Variants in SLC16A10 observed in about 807,000 individuals in gnomAD.
SLC16A10 encodes monocarboxylate transporter 10.
SLC16A10 carries 27 observed loss-of-function variants against 40.0 expected under a neutral mutation model. The observed-to-expected ratio is 0.67, with a 90% CI of 0.50 to 0.93. The LOEUF is 0.93. Ranked by LOEUF, SLC16A10 falls within the 40% of genes least tolerant of loss-of-function variation. The pLI, the probability that SLC16A10 is intolerant of heterozygous loss-of-function variation, is 0.00. For synonymous variants in SLC16A10, 213 were observed against 249.8 expected, an observed-to-expected ratio of 0.85 and a Z score of 1.39; for missense variants, 529 against 658.2, an observed-to-expected ratio of 0.80 and a Z score of 2.15.
chr6:111,169,696 G>A (rs1428847397), intron 1 of SLC16A10, among the ~76,000 whole-genome samples: 7 of 152,128 alleles, frequency 4.6e-5, no homozygotes, highest in Admixed American at 4.6e-4. Flanking sequence ...GAATCAAATG[G>A]GCCTGTTGAA....
intron 4 of SLC16A10, among the ~76,000 whole-genome samples, chr6:111,214,510 G>A (rs1358684537): frequency 2.0e-5 from 3 of 152,170 alleles, no homozygotes; most frequent in African/African-American, 7.2e-5. Flanking sequence ...AGGCATCCCT[G>A]CATATAAGGA....
At chr6:111,213,748 T>A (rs1158914260) in intron 4 of SLC16A10, among the ~76,000 whole-genome samples, 4 of 152,208 alleles carry the variant, frequency 2.6e-5, no homozygotes, top group African/African-American at 9.6e-5. Flanking sequence ...AGACTCCCTG[T>A]GAAGCACTTC....
chr6:111,193,909 T>C (rs1184531726), intron 3 of SLC16A10, among the ~76,000 whole-genome samples: 1 of 152,216 alleles, frequency 6.6e-6, no homozygotes, highest in Non-Finnish European at 1.5e-5. Flanking sequence ...TGGTGAAAAC[T>C]GTGGATTTAT....
chr6:111,172,775 C>G lies in SLC16A10; in HGVS notation c.424C>G (p.Arg142Gly). 1 of 1,614,066 alleles carries G rather than the reference C, an allele frequency of 6.2e-7. No homozygotes were observed. Residue 142 changes from arginine (R) to glycine (G), a missense_variant, in exon 2 of 6, where the codon CGG becomes GGG. Transcript: ENST00000368851. ...VSVFTDLFGCRKTAVVGAAVG... is the reference protein window; with the variant it reads ...VSVFTDLFGCGKTAVVGAAVG... Reference sequence around the variant, plus strand: ...CGTCTTCACAGACCTATTTGGTTGTCGGAAAACAGCTGTCGTGGGTGCTGC... The same window carrying G: ...CGTCTTCACAGACCTATTTGGTTGTGGGAAAACAGCTGTCGTGGGTGCTGC...
At chr6:111,206,498 C>T in intron 3 of SLC16A10, 94 bp from the exon 4 acceptor site, 1 of 1,376,094 alleles carries the variant, frequency 7.3e-7, no homozygotes, top group Non-Finnish European at 1.0e-6. Flanking sequence ...AAGCCCATAA[C>T]ATTGCAGAGA....
chr6:111,188,062 G>A (rs1262594406), intron 3 of SLC16A10, among the ~76,000 whole-genome samples: 2 of 152,134 alleles, frequency 1.3e-5, no homozygotes, highest in Non-Finnish European at 2.9e-5. Context: ...CATGTCCCCA[G>A]CCTGGTGGAT....
chr6:111,193,555 C>G (rs1190083737), intron 3 of SLC16A10, among the ~76,000 whole-genome samples: 1 of 152,144 alleles, frequency 6.6e-6, no homozygotes, highest in African/African-American at 2.4e-5. Context: ...CAGAAGAAAT[C>G]TAGAGAACTG....
chr6:111,182,944 C>A (rs1422977861), intron 3 of SLC16A10, among the ~76,000 whole-genome samples: 2 of 152,212 alleles, frequency 1.3e-5, no homozygotes, highest in African/African-American at 4.8e-5. Context: ...CCACGTACCC[C>A]TAGCCTGGAT....
At position 111,227,158 on chromosome 6, in the gene SLC16A10, T is replaced by G. The variant is rs1346713869; in HGVS notation, c.*4923T>G. On this transcript the variant is annotated 3_prime_UTR_variant, in exon 6 of 6. Coordinates refer to ENST00000368851, the MANE Select transcript of SLC16A10 (RefSeq NM_018593.5). ...GAAAAAAAAATTTGTTCTGCTCTAC[T>G]ATACATGCTGACTTTTGTTGATAGC... 6.6e-6 allele frequency: 1 copy of G among 152,256 alleles called. No individual in the cohort carries two copies. The highest frequency in any genetic ancestry group is 1.5e-5 in the Non-Finnish European group (1 of 68,054). 9.4% of individuals were successfully genotyped at this position (152,256 alleles called of 1,614,324 possible).
chr6:111,226,501 G>T lies in SLC16A10; in HGVS notation c.*4266G>T, dbSNP rs555743082. 2 of 152,222 alleles carry T rather than the reference G, an allele frequency of 1.3e-5. No individual in the cohort carries two copies. Among genetic ancestry groups the T allele is most frequent in the East Asian group, 3.9e-4 (2 of 5,184 alleles). 9.4% of individuals were successfully genotyped at this position (152,222 alleles called of 1,614,324 possible). ...ACAAGTATTTAAAACTTTTTAGGAAGTCTCTAACACTGAAAAAAAGGTCAT... is the reference window on the plus strand; with the variant it reads ...ACAAGTATTTAAAACTTTTTAGGAATTCTCTAACACTGAAAAAAAGGTCAT... On this transcript the variant is annotated 3_prime_UTR_variant, in exon 6 of 6. Transcript: ENST00000368851.
intron 1 of SLC16A10, among the ~76,000 whole-genome samples, chr6:111,130,817 T>C (rs1197979758): frequency 6.6e-6 from 1 of 152,216 alleles, no homozygotes; most frequent in Non-Finnish European, 1.5e-5. Flanking sequence ...CAATGTATAA[T>C]GGTTAAGAGC....
chr6:111,104,056 T>G (rs539063275), intron 1 of SLC16A10, among the ~76,000 whole-genome samples: 67 of 152,274 alleles, frequency 4.4e-4, no homozygotes, highest in African/African-American at 1.6e-3. Context: ...ATTAAGTGAA[T>G]GACAAGGAGT....
Position 111,225,766 on chromosome 6 carries a change from A to C in SLC16A10, c.*3531A>C, listed in dbSNP as rs1770986018. The stretch of plus-strand genomic sequence containing the variant: ...GGGGAGGGGGAAGGCAACCTATAGC[A>C]TGGGTGGCTCTGAGGAGTTCCTGCT... On this transcript the variant is annotated 3_prime_UTR_variant, in exon 6 of 6. Transcript: ENST00000368851. 1 of 152,152 alleles carries C rather than the reference A, an allele frequency of 6.6e-6. No individual in the cohort carries two copies. Among genetic ancestry groups the C allele is most frequent in the Non-Finnish European group, 1.5e-5 (1 of 68,046 alleles). 9.4% of individuals were successfully genotyped at this position (152,152 alleles called of 1,614,324 possible).
rs561311772 is a variant in SLC16A10, at chr6:111,140,489, T to C, written c.344-32206T>C. On this transcript the variant is annotated intron_variant, in intron 1 of 5. Transcript: ENST00000368851. ...AAAAAAAAAAAGAAAAGGAACAGAA[T>C]GTTACCAGCCCAACTGCACTTCTTC... Among the ~76,000 whole-genome samples, 4 of 151,068 alleles carry C rather than the reference T, an allele frequency of 2.6e-5. No homozygotes were observed. The South Asian group carries it at 8.3e-4, about 32-fold the overall frequency.
chr6:111,107,461 CA>C (rs1053710396), intron 1 of SLC16A10, among the ~76,000 whole-genome samples: 1 of 152,112 alleles, frequency 6.6e-6, no homozygotes, highest in African/African-American at 2.4e-5. Flanking sequence ...CAGCAGTTTA[CA>C]AATGGCTAAC....
intron 3 of SLC16A10, among the ~76,000 whole-genome samples, chr6:111,204,900 G>A (rs368888714): frequency 2.0e-5 from 3 of 151,790 alleles, no homozygotes; most frequent in African/African-American, 4.8e-5. Flanking sequence ...ATGTTATTTC[G>A]CTGAGCCCTT....
rs76328329 is a variant in SLC16A10 at position 111,188,140 on chromosome 6, C to G, written c.942+10475C>G. 9.5e-3 allele frequency among the ~76,000 whole-genome samples: 1,438 copies of G among 152,118 alleles called. 30 individuals are homozygous for G. Among genetic ancestry groups the G allele is most frequent in the African/African-American group, 0.033 (1,365 of 41,484 alleles). On this transcript the variant is annotated intron_variant, in intron 3 of 5. Transcript: ENST00000368851. ...GGAGTTATGTAACTGAAGAGTTGCC[C>G]TATCTCAGTCAGCACTGCAACCAAT...
chr6:111,180,081 G>A (rs909041427), intron 3 of SLC16A10, among the ~76,000 whole-genome samples: 2 of 152,190 alleles, frequency 1.3e-5, no homozygotes, highest in Non-Finnish European at 2.9e-5. Flanking sequence ...TATATGAGAC[G>A]TAAAAATTTG....
intron 2 of SLC16A10, 66 bp downstream of exon 2, chr6:111,172,905 G>T: frequency 6.5e-7 from 1 of 1,544,226 alleles, no homozygotes; most frequent in Non-Finnish European, 8.8e-7. Context: ...TTTACTTTCA[G>T]AAACTATGCT....
Sources: gnomAD v4.1 joint callset for allele counts (sites outside exome capture counted in the v4.1 genomes callset) on GRCh38, gnomAD v4.1.1 for gene constraint, MANE v1.5 for transcripts, NCBI Gene and HGNC (gene_info 2026-07-23, HGNC 2026-07-21) for gene names.